Variants in KLHL29 observed in about 807,000 individuals in gnomAD.
KLHL29 encodes the protein kelch like family member 29, also known as kelch-like protein 29.
In KLHL29, 21 loss-of-function variants were observed where a neutral mutation model predicts 80.4. The ratio of observed to expected loss-of-function variants is 0.26; its 90% CI spans 0.19 to 0.38. The LOEUF (loss-of-function observed/expected upper bound fraction) is 0.38, where lower values mean the gene tolerates loss of function less well. Among genes scored for constraint, KLHL29 ranks in the 10% least tolerant of loss-of-function variants. The probability of loss-of-function intolerance (pLI) is 1.00; values close to 1 mark genes in which losing one functional copy is unlikely to be tolerated. For synonymous variants in KLHL29, 511 were observed against 526.8 expected (o/e 0.97, Z 0.41); for missense variants, 867 against 1,223.9 (o/e 0.71, Z 4.35).
chr2:23,591,603 T>G (rs574044583), intron 3 of KLHL29, among the ~76,000 whole-genome samples: 1 of 151,864 alleles, frequency 6.6e-6, no homozygotes, highest in Non-Finnish European at 1.5e-5. Flanking sequence ...GTTAAACCTC[T>G]CCACTGTCCA....
chr2:23,705,114 T>C (rs1429441484), intron 13 of KLHL29, among the ~76,000 whole-genome samples: 1 of 152,242 alleles, frequency 6.6e-6, no homozygotes, highest in East Asian at 1.9e-4. Flanking sequence ...CAGAGCACAG[T>C]CTGACTACCC....
chr2:23,421,524 TTGTGTGTGTGTG>T (rs57348539), intron 1 of KLHL29, among the ~76,000 whole-genome samples: 2,666 of 143,596 alleles, frequency 0.019, 86 homozygotes, highest in African/African-American at 0.056. Context: ...TTAGACAAGA[TTGTGTGTGTGTG>T]TGTGTGTGTG....
At chr2:23,452,673 T>C (rs1203313103) in intron 1 of KLHL29, among the ~76,000 whole-genome samples, 1 of 152,178 alleles carries the variant, frequency 6.6e-6, no homozygotes, top group East Asian at 1.9e-4. Flanking sequence ...GTTGGTCTTC[T>C]TTCTAGAAGT....
rs1048973569 is a variant in KLHL29 at position 23,680,492 on chromosome 2, CA to C, written c.941-3902del. ...CATCCCGCTCAAAGCCGAGGAGACC[CA>C]AAAACAACCTCTGGGGCCGACCAAC... On this transcript the variant is annotated intron_variant, in intron 5 of 13. Coordinates refer to ENST00000486442, the MANE Select transcript of KLHL29 (RefSeq NM_052920.2). The surrounding 1 kb of genome is among the most constrained non-coding windows in gnomAD (Gnocchi z 4.1). 6.6e-6 allele frequency among the ~76,000 whole-genome samples: 1 copy of C among 152,174 alleles called. No homozygotes were observed. The highest frequency in any genetic ancestry group is 1.9e-4 in the East Asian group (1 of 5,184).
intron 3 of KLHL29, among the ~76,000 whole-genome samples, chr2:23,576,954 A>T (rs2005028): frequency 0.13 from 20,164 of 152,098 alleles, 2,660 homozygotes; most frequent in African/African-American, 0.3. Context: ...TCCCTGGTGG[A>T]AGAGCCAGGG....
At chr2:23,569,131 G>T (rs1293466367) in intron 3 of KLHL29, among the ~76,000 whole-genome samples, 2 of 152,228 alleles carry the variant, frequency 1.3e-5, no homozygotes, top group Non-Finnish European at 2.9e-5. Flanking sequence ...CATGCAGAAG[G>T]ACATATGCTA....
At chr2:23,471,302 C>T (rs1313045711) in intron 1 of KLHL29, among the ~76,000 whole-genome samples, 4 of 152,150 alleles carry the variant, frequency 2.6e-5, no homozygotes, top group African/African-American at 7.2e-5. Flanking sequence ...TCTCTTAAGG[C>T]AGTTTCTCTC....
intron 1 of KLHL29, among the ~76,000 whole-genome samples, chr2:23,455,910 A>G (rs4665213): frequency 0.21 from 32,125 of 151,864 alleles, 5,222 homozygotes; most frequent in African/African-American, 0.45. Context: ...TTAAGGTGAA[A>G]CCTGATTGGT....
In KLHL29 at chr2:23,695,456, G is replaced by C. The variant is rs1671893077; in HGVS notation, c.1543-167G>C. Among the ~76,000 whole-genome samples the C allele has an allele frequency of 1.3e-5, 2 of 152,132 alleles. No individual in the cohort carries two copies. Among genetic ancestry groups the C allele is most frequent in the African/African-American group, 2.4e-5 (1 of 41,432 alleles). On this transcript the variant is annotated intron_variant, in intron 8 of 13. Transcript: ENST00000486442. The surrounding 1 kb of genome is among the most constrained non-coding windows in gnomAD (Gnocchi z 7.6). ...GGCCCTCCCCTCCACACCTCCAGCT[G>C]ACTAGACTTCCCTTCACCTCTGTCT... is the stretch of plus-strand genomic sequence containing the variant.
chr2:23,514,197 G>A (rs1457946586), intron 2 of KLHL29, among the ~76,000 whole-genome samples: 2 of 152,190 alleles, frequency 1.3e-5, no homozygotes, highest in Non-Finnish European at 1.5e-5. Flanking sequence ...CAGGGAGTGA[G>A]GTTGAGGAGC....
At chr2:23,689,324 C>T (rs1299650578) in intron 6 of KLHL29, 1 of 152,364 alleles carries the variant, frequency 6.6e-6, no homozygotes, top group Non-Finnish European at 1.5e-5. Context: ...CTCCACGGCA[C>T]CTGTGTCCCT....
chr2:23,685,609 A>G (rs1200082804), intron 6 of KLHL29, among the ~76,000 whole-genome samples: 3 of 152,222 alleles, frequency 2.0e-5, no homozygotes, highest in African/African-American at 7.2e-5. Flanking sequence ...CCCTGTGGGC[A>G]GGCTCTGGCT....
At chr2:23,623,133 C>T (rs570461420) in intron 3 of KLHL29, among the ~76,000 whole-genome samples, 3 of 152,158 alleles carry the variant, frequency 2.0e-5, no homozygotes, top group Non-Finnish European at 4.4e-5. Context: ...ACCCTGATCT[C>T]GGGTCTTAGA....
chr2:23,644,098 C>T (rs148027046), intron 5 of KLHL29: 5 of 152,292 alleles, frequency 3.3e-5, no homozygotes, highest in African/African-American at 1.2e-4. Context: ...GTTTAATTCC[C>T]AATCTGACTG....
intron 5 of KLHL29, among the ~76,000 whole-genome samples, chr2:23,659,332 G>A (rs1325683286): frequency 2.6e-5 from 4 of 152,196 alleles, no homozygotes; most frequent in Non-Finnish European, 4.4e-5. Flanking sequence ...TTACAACTCT[G>A]AAGTAGGTAT....
chr2:23,454,166 G>C (rs528303076), intron 1 of KLHL29, among the ~76,000 whole-genome samples: 2 of 152,292 alleles, frequency 1.3e-5, no homozygotes, highest in African/African-American at 4.8e-5. Flanking sequence ...GATTGAGTCA[G>C]TTCTTCCTTT....
chr2:23,386,435 C>T lies in KLHL29; in HGVS notation c.-154+655C>T, dbSNP rs189052582. On this transcript the variant is annotated intron_variant, in intron 1 of 13. Coordinates refer to ENST00000486442, the MANE Select transcript of KLHL29 (RefSeq NM_052920.2). ...TTGTGACCCACCCCACCCCGACACA[C>T]ACACGCACACTTCCCTTGACACCTT... 2.4e-3 allele frequency among the ~76,000 whole-genome samples: 366 copies of T among 152,346 alleles called. 2 individuals carry two copies. The highest frequency in any genetic ancestry group is 8.5e-3 in the African/African-American group (353 of 41,574).
chr2:23,684,894 G>T lies in KLHL29; in HGVS notation c.1079+357G>T, dbSNP rs1207387757. ...GGGGACTGTAGGCTCCATTTTAAGG[G>T]ATCACTACACACTGCCCCCACCGGG... On this transcript the variant is annotated intron_variant, in intron 6 of 13. Transcript: ENST00000486442. This position sits in a 1 kb window ranked among gnomAD's most constrained non-coding sequence, Gnocchi z 4.4. 6.6e-6 allele frequency among the ~76,000 whole-genome samples: 1 copy of T among 152,092 alleles called. No homozygotes were observed. The highest frequency in any genetic ancestry group is 1.5e-5 in the Non-Finnish European group (1 of 68,020).
chr2:23,628,936 G>A (rs1158306030), intron 3 of KLHL29, among the ~76,000 whole-genome samples: 1 of 152,212 alleles, frequency 6.6e-6, no homozygotes, highest in Admixed American at 6.5e-5. Flanking sequence ...GTTGGAAAAT[G>A]TCCTATCAAA....
Sources: gnomAD v4.1 joint callset for allele counts (sites outside exome capture counted in the v4.1 genomes callset) on GRCh38, gnomAD v4.1.1 for gene constraint, Gnocchi (gnomAD v3.1) non-coding constraint, MANE v1.5 for transcripts, NCBI Gene and HGNC (gene_info 2026-07-23, HGNC 2026-07-21) for gene names.